ZBTB10: variants seen among roughly 807,000 people sequenced by gnomAD.
ZBTB10 encodes zinc finger and BTB domain containing 10, also known as zinc finger and BTB domain-containing protein 10.
Under a neutral mutation model 76.4 loss-of-function variants are expected in ZBTB10, and 32 were observed. The ratio of observed to expected loss-of-function variants is 0.42; its 90% CI spans 0.32 to 0.56. The LOEUF is 0.56. Ranked by LOEUF, ZBTB10 falls within the 20% of genes least tolerant of loss-of-function variation. The pLI is 0.14. For synonymous variants in ZBTB10, 523 were observed against 432.9 expected (o/e 1.21, Z -2.58); for missense variants, 1,057 against 1,098.5 (o/e 0.96, Z 0.53).
chr8:80,497,431 G>A (rs1304134439), intron 1 of ZBTB10, among the ~76,000 whole-genome samples: 1 of 141,876 alleles, frequency 7.0e-6, no homozygotes, highest in African/African-American at 2.6e-5. Context: ...TTGGTAGGAG[G>A]AGAAAATAGC....
Position 80,487,660 on chromosome 8 carries a change from A to G in ZBTB10, c.850A>G (p.Ser284Gly). ...CCAAAAGACCCCTGCAGATGGGGGA[A>G]GCGTGGACCTTCCCCCAGTGGGGCA... ...WCQKTPADGG[S>G]VDLPPVGHDE... is the part of the protein sequence containing the mutation. Residue 284 changes from serine to glycine, a missense_variant, in exon 1 of 6, where the codon AGC (serine) becomes GGC (glycine). Transcript: ENST00000455036. 2 of 1,613,956 alleles carry G rather than the reference A, an allele frequency of 1.2e-6. No individual in the cohort carries two copies. The highest frequency in any genetic ancestry group is 1.7e-6 in the Non-Finnish European group (2 of 1,179,874).
chr8:80,516,565 T>C (rs1816330529), intron 3 of ZBTB10, among the ~76,000 whole-genome samples: 2 of 152,236 alleles, frequency 1.3e-5, no homozygotes, highest in Admixed American at 6.5e-5. Context: ...TGCTTCACTT[T>C]AGGATTCTTA....
chr8:80,489,872 G>T (rs1362503048), intron 1 of ZBTB10, among the ~76,000 whole-genome samples: 1 of 152,136 alleles, frequency 6.6e-6, no homozygotes, highest in East Asian at 1.9e-4. Flanking sequence ...GATTTTGGGT[G>T]TTTTCACTTT....
At chr8:80,507,233 G>A (rs888207974) in intron 2 of ZBTB10, among the ~76,000 whole-genome samples, 2 of 151,952 alleles carry the variant, frequency 1.3e-5, no homozygotes, top group Admixed American at 6.6e-5. Flanking sequence ...ACTTTAACCC[G>A]GGAGGCAGAG....
Position 80,487,197 on chromosome 8 carries a change from C to T in ZBTB10, c.387C>T (p.Gly129=), listed in dbSNP as rs771941524. 4 of 1,538,766 alleles carry T rather than the reference C, an allele frequency of 2.6e-6. 1 individual carries two copies. The South Asian group carries it at 4.8e-5, about 18-fold the overall frequency. Residue 129 remains glycine (G), a synonymous_variant, in exon 1 of 6, where the codon GGC becomes GGT. Transcript: ENST00000455036. ...NRRTLAFRGG[G]GGGLGNNGSS... ...GGACTCTGGCCTTCCGAGGCGGCGG[C>T]GGCGGGGGTCTCGGCAACAATGGCA...
At chr8:80,490,365 AGCTAGAACTACAGGT>A (rs1311309612) in intron 1 of ZBTB10, among the ~76,000 whole-genome samples, 1 of 152,104 alleles carries the variant, frequency 6.6e-6, no homozygotes, top group South Asian at 2.1e-4. Flanking sequence ...CCTCCCGAGT[AGCTAGAACTACAGGT>A]GCGCGCCACC....
At chr8:80,512,741 A>G (rs1351847922) in intron 2 of ZBTB10, among the ~76,000 whole-genome samples, 2 of 152,194 alleles carry the variant, frequency 1.3e-5, no homozygotes, top group African/African-American at 4.8e-5. Flanking sequence ...GTTTCTTAAA[A>G]AAGAAAAAAA....
At chr8:80,500,545 ATTTTC>A (rs1815896841) in intron 2 of ZBTB10, among the ~76,000 whole-genome samples, 163 bp downstream of exon 2, 1 of 152,174 alleles carries the variant, frequency 6.6e-6, no homozygotes, top group Non-Finnish European at 1.5e-5. Flanking sequence ...TATTTGGTAT[ATTTTC>A]TTTGTCTTTT....
intron 2 of ZBTB10, among the ~76,000 whole-genome samples, chr8:80,501,095 A>G (rs536753864): frequency 2.0e-5 from 3 of 152,204 alleles, no homozygotes; most frequent in African/African-American, 7.2e-5. Context: ...GGAACCCCTG[A>G]CCTCAGGTGA....
intron 1 of ZBTB10, among the ~76,000 whole-genome samples, chr8:80,493,719 A>G (rs1815709435): frequency 6.6e-6 from 1 of 151,870 alleles, no homozygotes. Flanking sequence ...AATCCCAGCT[A>G]CTCGGGAGGC....
In ZBTB10 at chr8:80,493,193, A is replaced by ACGCGCGCGCG. The variant is rs1199081931; in HGVS notation, c.972+5417_972+5426dup. Among the ~76,000 whole-genome samples the ACGCGCGCGCG allele has an allele frequency of 7.5e-3, 934 of 124,050 alleles. 8 individuals carry two copies. The highest frequency in any genetic ancestry group is 0.018 in the Middle Eastern group (4 of 224). 81.4% of individuals were successfully genotyped at this position (124,050 alleles called of 152,430 possible). On this transcript the variant is annotated intron_variant, in intron 1 of 5. Transcript: ENST00000455036. ...GCGACAAGCAAGACTGTGCCTCAAA[A>ACGCGCGCGCG]CGCGCGCGCGCGCGCACACACACAC... is the stretch of plus-strand genomic sequence containing the variant.
upstream of ZBTB10, chr8:80,486,051 A>ACCCCCGCC: frequency 1.1e-6 from 1 of 881,832 alleles, no homozygotes; most frequent in Non-Finnish European, 1.5e-6. Flanking sequence ...CCGCGGCCGC[A>ACCCCCGCC]CCCCCGCCCC....
intron 2 of ZBTB10, among the ~76,000 whole-genome samples, chr8:80,512,177 T>G (rs1816210808): frequency 6.6e-6 from 1 of 152,172 alleles, no homozygotes; most frequent in South Asian, 2.1e-4. Flanking sequence ...TAATGCTACA[T>G]TCTACTAATT....
At position 80,508,934 on chromosome 8, in the gene ZBTB10, T is replaced by C; in HGVS notation, c.1862-4976T>C. ...AGACTAAAAAGTTTAAGAGCATTTT[T>C]CATGGATTGGAGGTGGGGCATGTAC... On this transcript the variant is annotated intron_variant, in intron 2 of 5. Coordinates refer to ENST00000455036, the MANE Select transcript of ZBTB10 (RefSeq NM_001105539.3). 1.3e-5 allele frequency among the ~76,000 whole-genome samples: 2 copies of C among 152,194 alleles called. 1 individual carries two copies. The highest frequency in any genetic ancestry group is 2.9e-5 in the Non-Finnish European group (2 of 68,030).
chr8:80,487,163 G>A lies in ZBTB10; in HGVS notation c.353G>A (p.Arg118Lys), dbSNP rs1489761018. 2 of 1,525,594 alleles carry A rather than the reference G, an allele frequency of 1.3e-6. No individual in the cohort carries two copies. Among genetic ancestry groups the A allele is most frequent in the Non-Finnish European group, 1.8e-6 (2 of 1,138,844 alleles). 94.5% of individuals were successfully genotyped at this position (1,525,594 alleles called of 1,614,324 possible). ...GCGGGGGGCCCCCTGCTAGCGGAAA[G>A]GAACCGTCGGACTCTGGCCTTCCGA... ...GGAGGPLLAE[R>K]NRRTLAFRGG... The change falls in exon 1 of 6, where the codon AGG (arginine) becomes AAG (lysine). Residue 118 changes from arginine to lysine, a missense_variant. Transcript: ENST00000455036.
intron 2 of ZBTB10, among the ~76,000 whole-genome samples, chr8:80,509,540 G>A (rs762645832): frequency 1.2e-4 from 19 of 152,040 alleles, no homozygotes; most frequent in Non-Finnish European, 2.8e-4. Flanking sequence ...CACTTCGCAC[G>A]TGATTTGGAA....
chr8:80,497,894 C>G (rs989649987), intron 1 of ZBTB10, among the ~76,000 whole-genome samples: 1 of 151,946 alleles, frequency 6.6e-6, no homozygotes, highest in African/African-American at 2.4e-5. Flanking sequence ...AACTCCTGAC[C>G]TCAAATGATC....
At chr8:80,503,518 T>G (rs891178578) in intron 2 of ZBTB10, among the ~76,000 whole-genome samples, 3 of 151,936 alleles carry the variant, frequency 2.0e-5, no homozygotes, top group African/African-American at 7.3e-5. Flanking sequence ...TATTTATTTA[T>G]TTATTTATGT....
At chr8:80,506,829 A>G (rs996155141) in intron 2 of ZBTB10, among the ~76,000 whole-genome samples, 4 of 151,918 alleles carry the variant, frequency 2.6e-5, no homozygotes, top group Admixed American at 6.6e-5. Flanking sequence ...TTCTCTTAGG[A>G]GATTCCGAGT....
Sources: allele counts gnomAD v4.1 joint callset (sites outside exome capture counted in the v4.1 genomes callset), GRCh38; gene constraint gnomAD v4.1.1; transcripts MANE v1.5; gene names NCBI Gene and HGNC (gene_info 2026-07-23, HGNC 2026-07-21).